Variants in DCLK2 observed in about 807,000 individuals in gnomAD.
DCLK2 encodes the protein doublecortin like kinase 2, also known as serine/threonine-protein kinase DCLK2.
Under a neutral mutation model 78.4 loss-of-function variants are expected in DCLK2, and 31 were observed. The ratio of observed to expected loss-of-function variants is 0.40; its 90% confidence interval spans 0.30 to 0.53. The LOEUF (loss-of-function observed/expected upper bound fraction) is 0.53. Among genes scored for constraint, DCLK2 ranks in the 20% least tolerant of loss-of-function variants. The pLI is 0.61. For missense variants in DCLK2, 872 were observed against 973.7 expected (o/e 0.90, Z 1.39); for synonymous variants, 407 against 374.9 (o/e 1.09, Z -0.99).
At chr4:150,241,916 TG>T (rs535044848) in intron 12 of DCLK2, among the ~76,000 whole-genome samples, 119 of 152,326 alleles carry the variant, frequency 7.8e-4, no homozygotes, top group African/African-American at 2.9e-3. Context: ...ACCATCACAT[TG>T]GGCATTAGGT....
rs1221054417 is a variant in DCLK2 at position 150,190,941 on chromosome 4, C to G, written c.757-2197C>G. Among the ~76,000 whole-genome samples, 2 of 152,070 alleles carry G rather than the reference C, an allele frequency of 1.3e-5. 1 individual carries two copies. Among genetic ancestry groups the G allele is most frequent in the Non-Finnish European group, 2.9e-5 (2 of 68,002 alleles). ...ACCCCATCTCTACCTACTTACCTACCTACCTACCTATCTACATAAATAAAT... is the reference window on the plus strand; with the variant it reads ...ACCCCATCTCTACCTACTTACCTACGTACCTACCTATCTACATAAATAAAT... On this transcript the variant is annotated intron_variant, in intron 2 of 15. Transcript: ENST00000296550.
At chr4:150,237,301 A>T (rs1742584266) in intron 10 of DCLK2, among the ~76,000 whole-genome samples, 1 of 152,146 alleles carries the variant, frequency 6.6e-6, no homozygotes, top group African/African-American at 2.4e-5. Flanking sequence ...TTTTCCTAAG[A>T]CTGTGACGTG....
At chr4:150,158,564 C>G (rs1200364432) in intron 2 of DCLK2, among the ~76,000 whole-genome samples, 1 of 152,054 alleles carries the variant, frequency 6.6e-6, no homozygotes, top group Non-Finnish European at 1.5e-5. Flanking sequence ...TATTGAGCAC[C>G]TAATATATGT....
chr4:150,204,569 T>C (rs1369327665), intron 5 of DCLK2, among the ~76,000 whole-genome samples: 1 of 152,114 alleles, frequency 6.6e-6, no homozygotes, highest in African/African-American at 2.4e-5. Context: ...ATTTGCCTGG[T>C]AAAATAACAG....
intron 7 of DCLK2, among the ~76,000 whole-genome samples, chr4:150,223,595 T>C (rs1741361140): frequency 6.6e-6 from 1 of 151,896 alleles, no homozygotes; most frequent in South Asian, 2.1e-4. Flanking sequence ...ATACAAAAAT[T>C]AGCCCAGTGG....
chr4:150,136,385 G>C (rs948511162), intron 2 of DCLK2, among the ~76,000 whole-genome samples: 1 of 152,176 alleles, frequency 6.6e-6, no homozygotes, highest in Non-Finnish European at 1.5e-5. Context: ...TGTGATCTGT[G>C]ATATCACCCA....
intron 1 of DCLK2, among the ~76,000 whole-genome samples, chr4:150,090,379 C>G (rs1009437200): frequency 6.6e-6 from 1 of 152,176 alleles, no homozygotes; most frequent in African/African-American, 2.4e-5. Flanking sequence ...ACACTCCACT[C>G]CAGCCTGGGC....
At chr4:150,250,791 G>C (rs79231520) in intron 15 of DCLK2, among the ~76,000 whole-genome samples, 124 of 151,098 alleles carry the variant, frequency 8.2e-4, no homozygotes, top group Non-Finnish European at 1.6e-3. Context: ...TTGTCTGAGA[G>C]CCTTACCTAG....
chr4:150,236,131 C>G (rs1742486293), intron 10 of DCLK2, among the ~76,000 whole-genome samples: 2 of 152,210 alleles, frequency 1.3e-5, no homozygotes, highest in Admixed American at 1.3e-4. Context: ...GTGGGATCTG[C>G]ATTCCTCGCA....
chr4:150,254,436 A>G (rs1255370634), intron 15 of DCLK2: 5 of 398,700 alleles, frequency 1.3e-5, no homozygotes, highest in Non-Finnish European at 2.2e-5. Flanking sequence ...GTCCAAGGCC[A>G]TGGTATGTAC....
chr4:150,221,789 A>G lies in DCLK2; in HGVS notation c.1241+4A>G, dbSNP rs775080091. 1.3e-6 allele frequency: 2 copies of G among 1,496,908 alleles called. No individual in the cohort carries two copies. The highest frequency in any genetic ancestry group is 1.8e-6 in the Non-Finnish European group (2 of 1,092,190). 92.7% of individuals were successfully genotyped at this position (1,496,908 alleles called of 1,614,324 possible). A position where few individuals can be genotyped will look rare whatever the true frequency, so the allele number is the denominator to read the frequency against. ...TAGTCAAAGAGTGTATAGACAGGTG[A>G]GTGGACAGTGAGGATAATTAATGAA... On this transcript the variant is annotated splice_donor_region_variant and intron_variant, in intron 7 of 15. Transcript: ENST00000296550.
intron 5 of DCLK2, among the ~76,000 whole-genome samples, chr4:150,210,820 T>G (rs1327021793): frequency 2.0e-5 from 3 of 151,406 alleles, no homozygotes; most frequent in Non-Finnish European, 4.4e-5. Flanking sequence ...TGGTGGCATG[T>G]GCCCATAGTC....
At chr4:150,172,601 C>G (rs1736618740) in intron 2 of DCLK2, among the ~76,000 whole-genome samples, 1 of 113,550 alleles carries the variant, frequency 8.8e-6, no homozygotes, top group Non-Finnish European at 1.9e-5. Context: ...GAGCAAGACT[C>G]CGTCTCAAAA....
At chr4:150,193,283 C>A (rs781242555) in intron 3 of DCLK2, 43 bp downstream of exon 3, 1 of 1,323,620 alleles carries the variant, frequency 7.6e-7, no homozygotes, top group Non-Finnish European at 1.1e-6. Context: ...ATCTTTGTAA[C>A]CCCTGAAATG....
chr4:150,096,793 C>A (rs568526482), intron 1 of DCLK2, among the ~76,000 whole-genome samples: 8 of 152,220 alleles, frequency 5.3e-5, no homozygotes, highest in Admixed American at 5.2e-4. Context: ...CCAGGGAGCA[C>A]AAGTGATGCT....
At chr4:150,197,937 A>T in intron 3 of DCLK2, 65 bp from the exon 4 acceptor site, 2 of 1,314,010 alleles carry the variant, frequency 1.5e-6, no homozygotes, top group Non-Finnish European at 1.1e-6. Context: ...AAACAATTAC[A>T]TGTAACTCTG....
intron 2 of DCLK2, among the ~76,000 whole-genome samples, chr4:150,118,955 G>A (rs1484504043): frequency 7.9e-5 from 12 of 152,082 alleles, no homozygotes; most frequent in Admixed American, 7.9e-4. Flanking sequence ...AACCCAAGAA[G>A]CGGAGGTTGC....
chr4:150,225,640 A>T (rs935744274), intron 8 of DCLK2, among the ~76,000 whole-genome samples: 2 of 152,248 alleles, frequency 1.3e-5, no homozygotes, highest in Admixed American at 1.3e-4. Context: ...AGTACTAAAA[A>T]AAGAATGTGA....
chr4:150,109,405 G>A (rs555110214), intron 2 of DCLK2, among the ~76,000 whole-genome samples: 4 of 151,646 alleles, frequency 2.6e-5, no homozygotes, highest in Admixed American at 2.0e-4. Context: ...CATGATCTCG[G>A]CTCACTGCAG....
Sources: allele counts gnomAD v4.1 joint callset (sites outside exome capture counted in the v4.1 genomes callset), GRCh38; gene constraint gnomAD v4.1.1; transcripts MANE v1.5; gene names NCBI Gene and HGNC (gene_info 2026-07-23, HGNC 2026-07-21).